Variants in CLRN2 observed in about 807,000 individuals in gnomAD.
CLRN2 encodes the protein clarin-2.
In CLRN2, 17 loss-of-function variants were observed where a neutral mutation model predicts 20.1. The observed-to-expected ratio is 0.85, with a 90% CI of 0.58 to 1.27. CLRN2 has a LOEUF of 1.27. Ranked by LOEUF, CLRN2 falls within the 50% of genes most tolerant of loss-of-function variation. The pLI, the probability that CLRN2 is intolerant of heterozygous loss-of-function variation, is 0.00. For synonymous variants in CLRN2, 140 were observed against 126.9 expected (o/e 1.10, Z -0.70); for missense variants, 288 against 299.5 (o/e 0.96, Z 0.28).
chr4:17,522,931 G>C lies in CLRN2; in HGVS notation c.321G>C (p.Leu107=). 6.2e-7 allele frequency: 1 copy of C among 1,613,994 alleles called. No homozygotes were observed. The highest frequency in any genetic ancestry group is 8.5e-7 in the Non-Finnish European group (1 of 1,179,894). Residue 107 remains leucine (L), a synonymous_variant, in exon 2 of 3, where the codon CTG becomes CTC. Coordinates refer to ENST00000511148, the MANE Select transcript of CLRN2 (RefSeq NM_001079827.2). ...LHVMILLLLF[L]ALALALVSMG... ...TGATGATTCTGCTGCTCCTCTTCCT[G>C]GCCTTGGCCCTGGCTCTGGTCAGCA...
At chr4:17,521,259 G>A (rs779993747) in intron 1 of CLRN2, among the ~76,000 whole-genome samples, 1 of 152,198 alleles carries the variant, frequency 6.6e-6, no homozygotes, top group Admixed American at 6.5e-5. Context: ...GAACTGGAAA[G>A]AAACATCAGA....
chr4:17,522,783 C>G lies in CLRN2; in HGVS notation c.254-81C>G. The G allele has an allele frequency of 2.0e-6, 3 of 1,495,130 alleles. No homozygotes were observed. The South Asian group carries it at 3.8e-5, about 19-fold the overall frequency. 92.6% of individuals were successfully genotyped at this position (1,495,130 alleles called of 1,614,324 possible). ...TGCCCTCACCCCTGTCTGTCGAAGC[C>G]TTCGTGGTAAGCAAGCTTGGACTTC... On this transcript the variant is annotated intron_variant, in intron 1 of 2. Transcript: ENST00000511148.
intron 2 of CLRN2, 70 bp from the exon 3 acceptor site, chr4:17,526,747 C>T: frequency 6.3e-7 from 1 of 1,579,320 alleles, no homozygotes; most frequent in Admixed American, 1.7e-5. Context: ...TCACACGTGG[C>T]ACAGAAATGC....
chr4:17,517,000 CTCTTCA>C (rs1711696211), intron 1 of CLRN2, among the ~76,000 whole-genome samples: 1 of 152,264 alleles, frequency 6.6e-6, no homozygotes, highest in Admixed American at 6.5e-5. Context: ...TGGTTGTATC[CTCTTCA>C]TCTTAGGGGA....
At position 17,515,339 on chromosome 4, in the gene CLRN2, A is replaced by G; in HGVS notation, c.73A>G (p.Ile25Val). ...LLSFSSFILIIVALVVPHWLS... is the reference protein window; with the variant it reads ...LLSFSSFILIVVALVVPHWLS... The stretch of plus-strand genomic sequence containing the variant: ...CAGCTTCTCCTCCTTCATCCTGATC[A>G]TCGTTGCCCTGGTAGTGCCCCACTG... Residue 25 changes from isoleucine (I) to valine (V), a missense_variant, in exon 1 of 3, where the codon ATC becomes GTC. Ile to Val is a conservative substitution (Grantham distance 29). Transcript: ENST00000511148. 3 of 1,614,012 alleles carry G rather than the reference A, an allele frequency of 1.9e-6. No individual in the cohort carries two copies. The highest frequency in any genetic ancestry group is 1.7e-6 in the Non-Finnish European group (2 of 1,179,894).
At chr4:17,526,760 CCTCTT>C in intron 2 of CLRN2, 52 bp from the exon 3 acceptor site, 1 of 1,599,014 alleles carries the variant, frequency 6.3e-7, no homozygotes, top group Non-Finnish European at 8.6e-7. Context: ...AGAAATGCCA[CCTCTT>C]ACAGAGTTGC....
At chr4:17,523,153 A>C (rs1711874995) in intron 2 of CLRN2, 110 bp downstream of exon 2, 2 of 811,682 alleles carry the variant, frequency 2.5e-6, no homozygotes, top group Non-Finnish European at 3.8e-6. Context: ...TGGAGCCTTG[A>C]CCTTCCTGGG....
At chr4:17,516,733 A>G (rs897870544) in intron 1 of CLRN2, among the ~76,000 whole-genome samples, 22 of 151,972 alleles carry the variant, frequency 1.4e-4, no homozygotes, top group African/African-American at 5.1e-4. Context: ...ACACACACAT[A>G]AACAAATAAA....
At chr4:17,522,110 TA>T (rs1711849445) in intron 1 of CLRN2, among the ~76,000 whole-genome samples, 1 of 152,248 alleles carries the variant, frequency 6.6e-6, no homozygotes, top group South Asian at 2.1e-4. Flanking sequence ...AAGGAGTTTA[TA>T]AAATCTACCT....
At chr4:17,520,481 T>A (rs1577200980) in intron 1 of CLRN2, among the ~76,000 whole-genome samples, 1 of 152,182 alleles carries the variant, frequency 6.6e-6, no homozygotes, top group African/African-American at 2.4e-5. Flanking sequence ...GAAAATAAAT[T>A]CCTAGAAGTG....
In CLRN2 at chr4:17,526,885, A is replaced by C; in HGVS notation, c.502A>C (p.Ile168Leu). The C allele has an allele frequency of 2.5e-6, 4 of 1,614,026 alleles. No individual in the cohort carries two copies. The highest frequency in any genetic ancestry group is 3.4e-6 in the Non-Finnish European group (4 of 1,179,882). ...GAAATTTCACGACCTGACGGAACGA[A>C]TCGCCAACTTTCAGGAGAAGCTCTT... is the stretch of plus-strand genomic sequence containing the variant. ...AVKFHDLTER[I>L]ANFQEKLFQF... Residue 168 changes from isoleucine to leucine, a missense_variant, in exon 3 of 3, where the codon ATC becomes CTC. Coordinates refer to ENST00000511148, the MANE Select transcript of CLRN2 (RefSeq NM_001079827.2).
intron 1 of CLRN2, among the ~76,000 whole-genome samples, chr4:17,515,832 C>T (rs762096974): frequency 1.5e-4 from 23 of 152,184 alleles, no homozygotes; most frequent in Non-Finnish European, 2.5e-4. Flanking sequence ...AAGCACCTCA[C>T]GCCACTTGTC....
In CLRN2 at chr4:17,522,961, C is replaced by A. The variant is rs367725314; in HGVS notation, c.351C>A (p.Gly117=). ...TGGCCCTGGCTCTGGTCAGCATGGG[C>A]TTTGCCATTCTTAACATGATCCAGG... The part of the protein sequence containing the change: ...LALALALVSM[G]FAILNMIQVP... Residue 117 remains glycine, a synonymous_variant, in exon 2 of 3, where the codon GGC becomes GGA. Transcript: ENST00000511148. The A allele has an allele frequency of 1.2e-4, 190 of 1,614,018 alleles. No individual in the cohort carries two copies. The African/African-American group carries it at 2.3e-3, about 19-fold the overall frequency.
rs773989438 is a variant in CLRN2 at position 17,526,969 on chromosome 4, G to A, written c.586G>A (p.Ala196Thr). 14 of 1,613,886 alleles carry A rather than the reference G, an allele frequency of 8.7e-6. No homozygotes were observed. Among genetic ancestry groups the A allele is most frequent in the Admixed American group, 1.7e-5 (1 of 60,004 alleles). The change falls in exon 3 of 3, where the codon GCT (alanine) becomes ACT (threonine). Residue 196 changes from alanine (A) to threonine (T), a missense_variant. Transcript: ENST00000511148. ...GTCGTTTTGGATCTGCGTGGCCAGC[G>A]CTTCGGCCCATGCTGCAAACTTGGT... ...EESFWICVAS[A>T]SAHAANLVVV...
At chr4:17,525,975 G>A (rs1440643095) in intron 2 of CLRN2, among the ~76,000 whole-genome samples, 2 of 152,196 alleles carry the variant, frequency 1.3e-5, no homozygotes, top group African/African-American at 4.8e-5. Context: ...GAGGAAGAGA[G>A]GGGGAGAGAG....
chr4:17,519,313 T>C (rs1177806021), intron 1 of CLRN2, among the ~76,000 whole-genome samples: 3 of 152,258 alleles, frequency 2.0e-5, no homozygotes, highest in Non-Finnish European at 4.4e-5. Flanking sequence ...GAAACAACTA[T>C]ATCTATTCAA....
In CLRN2 at chr4:17,515,457, G is replaced by C; in HGVS notation, c.191G>C (p.Gly64Ala). 3 of 1,613,930 alleles carry C rather than the reference G, an allele frequency of 1.9e-6. No homozygotes were observed. The highest frequency in any genetic ancestry group is 2.5e-6 in the Non-Finnish European group (3 of 1,179,874). The stretch of plus-strand genomic sequence containing the variant: ...AAGTTCATTGGGGACATTTACTACG[G>C]GCTCTTCCGAGGGTGTAAAGTGCGG... ...LVKFIGDIYY[G>A]LFRGCKVRQC... Residue 64 changes from glycine (G) to alanine (A), a missense_variant, in exon 1 of 3, where the codon GGG becomes GCG. Physicochemically the swap from Gly to Ala is moderately conservative, Grantham distance 60 (BLOSUM62 0). Coordinates refer to ENST00000511148, the MANE Select transcript of CLRN2 (RefSeq NM_001079827.2).
chr4:17,522,726 C>A, intron 1 of CLRN2, 138 bp from the exon 2 acceptor site: 1 of 798,204 alleles, frequency 1.3e-6, no homozygotes, highest in South Asian at 2.0e-5. Flanking sequence ...CAGAAAGTCT[C>A]CCGCTGTTTG....
At chr4:17,519,192 A>G (rs1711775832) in intron 1 of CLRN2, among the ~76,000 whole-genome samples, 1 of 150,824 alleles carries the variant, frequency 6.6e-6, no homozygotes, top group Admixed American at 6.6e-5. Context: ...AGATGCTGAT[A>G]GATGCATCAT....
Sources: gnomAD v4.1 joint callset for allele counts (sites outside exome capture counted in the v4.1 genomes callset) on GRCh38, gnomAD v4.1.1 for gene constraint, MANE v1.5 for transcripts, NCBI Gene and HGNC (gene_info 2026-07-23, HGNC 2026-07-21) for gene names.